The following GPC6 variants were observed in gnomAD, a reference collection of about 807,000 sequenced individuals.
GPC6 encodes glypican-6.
A neutral mutation model predicts 55.2 loss-of-function variants in GPC6; 14 were observed. That is an observed-to-expected ratio of 0.25 (90% CI 0.17 to 0.40). GPC6 has a LOEUF of 0.40. GPC6 is among the 10% of genes least tolerant of loss of function. The pLI, the probability that GPC6 is intolerant of heterozygous loss-of-function variation, is 1.00. For synonymous variants in GPC6, 278 were observed against 259.6 expected (o/e 1.07, Z -0.68); for missense variants, 641 against 708.5 (o/e 0.90, Z 1.08).
At chr13:93,497,977 T>C (rs1452370585) in intron 1 of GPC6, among the ~76,000 whole-genome samples, 1 of 152,228 alleles carries the variant, frequency 6.6e-6, no homozygotes, top group African/African-American at 2.4e-5. Context: ...GCTCAAATAT[T>C]TCTAACTTTG....
intron 7 of GPC6, among the ~76,000 whole-genome samples, chr13:94,389,940 T>C (rs1262790833): frequency 6.6e-6 from 1 of 152,194 alleles, no homozygotes; most frequent in Non-Finnish European, 1.5e-5. Flanking sequence ...ATCGGACCCG[T>C]TGGAAACATG....
At chr13:94,396,066 G>A (rs931653843) in intron 7 of GPC6, among the ~76,000 whole-genome samples, 3 of 152,220 alleles carry the variant, frequency 2.0e-5, no homozygotes, top group South Asian at 2.1e-4. Context: ...GTCTTTGGGT[G>A]CCTCTCTGTG....
chr13:93,780,209 C>T (rs1231546068), intron 2 of GPC6, among the ~76,000 whole-genome samples: 1 of 151,902 alleles, frequency 6.6e-6, no homozygotes, highest in African/African-American at 2.4e-5. Context: ...AGAAAACACA[C>T]CAGTCAACCT....
chr13:93,459,751 G>T (rs1481510636), intron 1 of GPC6, among the ~76,000 whole-genome samples: 1 of 152,010 alleles, frequency 6.6e-6, no homozygotes, highest in Non-Finnish European at 1.5e-5. Context: ...CTTGGCTATT[G>T]TCTTAAAATT....
intron 4 of GPC6, among the ~76,000 whole-genome samples, chr13:94,043,676 A>G (rs1457541745): frequency 6.6e-6 from 1 of 151,862 alleles, no homozygotes. Context: ...TCTTTCTCCA[A>G]CAATGAGAAA....
chr13:93,835,453 T>A (rs993202462), intron 3 of GPC6, among the ~76,000 whole-genome samples: 1 of 151,778 alleles, frequency 6.6e-6, no homozygotes, highest in African/African-American at 2.4e-5. Context: ...AGACCCTGTC[T>A]CAAAAAAACG....
intron 1 of GPC6, among the ~76,000 whole-genome samples, chr13:93,529,768 G>A (rs1261023800): frequency 6.6e-6 from 1 of 151,964 alleles, no homozygotes; most frequent in South Asian, 2.1e-4. Flanking sequence ...ACCCACCTCA[G>A]CCTCCCAAAG....
intron 2 of GPC6, among the ~76,000 whole-genome samples, chr13:93,588,892 T>C (rs1877333021): frequency 6.6e-6 from 1 of 152,154 alleles, no homozygotes; most frequent in African/African-American, 2.4e-5. Flanking sequence ...TTGCCTTTCA[T>C]TCTTATTTTG....
At chr13:93,597,589 T>A (rs1877817822) in intron 2 of GPC6, among the ~76,000 whole-genome samples, 1 of 152,172 alleles carries the variant, frequency 6.6e-6, no homozygotes, top group African/African-American at 2.4e-5. Context: ...CTCTGCCACC[T>A]GTAAGACCGC....
rs575836124 is a variant in GPC6, at chr13:93,725,363, A to G, written c.320-104791A>G. 1.4e-4 allele frequency among the ~76,000 whole-genome samples: 21 copies of G among 152,206 alleles called. No individual in the cohort carries two copies. In the South Asian group the frequency reaches 4.1e-3, roughly 30 times the overall value. On this transcript the variant is annotated intron_variant, in intron 2 of 8. Coordinates refer to ENST00000377047, the MANE Select transcript of GPC6 (RefSeq NM_005708.5). ...TGTAAGGCCTTAAAAAGATTTATCAAGAACCAACATAATAAGCCAGCCACT... is the reference window on the plus strand; with the variant it reads ...TGTAAGGCCTTAAAAAGATTTATCAGGAACCAACATAATAAGCCAGCCACT...
intron 3 of GPC6, among the ~76,000 whole-genome samples, chr13:93,936,185 T>G (rs908968706): frequency 2.0e-5 from 3 of 152,226 alleles, no homozygotes; most frequent in Non-Finnish European, 4.4e-5. Flanking sequence ...TACTTCCATA[T>G]TATGTCATAA....
At chr13:93,374,007 T>C (rs1196564474) in intron 1 of GPC6, among the ~76,000 whole-genome samples, 1 of 152,188 alleles carries the variant, frequency 6.6e-6, no homozygotes, top group Non-Finnish European at 1.5e-5. Context: ...CTTATGGGCT[T>C]TATAATCTAG....
chr13:94,372,508 G>C (rs1336071118), intron 6 of GPC6, among the ~76,000 whole-genome samples: 1 of 152,064 alleles, frequency 6.6e-6, no homozygotes, highest in Non-Finnish European at 1.5e-5. Flanking sequence ...TTTCCGACGG[G>C]CTTAAAAAAC....
At chr13:93,356,501 A>AT (rs1880853286) in intron 1 of GPC6, among the ~76,000 whole-genome samples, 1 of 152,198 alleles carries the variant, frequency 6.6e-6, no homozygotes, top group East Asian at 1.9e-4. Context: ...TTTGATTGCC[A>AT]ACCTCCCTAA....
At chr13:93,489,920 C>T (rs1190090548) in intron 1 of GPC6, among the ~76,000 whole-genome samples, 2 of 151,532 alleles carry the variant, frequency 1.3e-5, no homozygotes, top group Non-Finnish European at 2.9e-5. Context: ...CAAACAGGGA[C>T]AATTTGACTT....
intron 3 of GPC6, among the ~76,000 whole-genome samples, chr13:93,899,908 TG>T (rs1876252265): frequency 6.6e-6 from 1 of 152,188 alleles, no homozygotes; most frequent in African/African-American, 2.4e-5. Context: ...TCCGATTATA[TG>T]GAAGTTACAG....
rs555628823 is a variant in GPC6, at chr13:93,512,577, G to A, written c.161-32686G>A. 4.6e-5 allele frequency among the ~76,000 whole-genome samples: 7 copies of A among 152,016 alleles called. No homozygotes were observed. In the South Asian group the frequency reaches 1.5e-3, roughly 32 times the overall value. On this transcript the variant is annotated intron_variant, in intron 1 of 8. Transcript: ENST00000377047. ...ATTCAGTTTGCTTGTATTTTATGGA[G>A]GATTTTTACATCTATGTTCATTAGG...
intron 1 of GPC6, among the ~76,000 whole-genome samples, chr13:93,322,822 G>A (rs1422675050): frequency 6.6e-6 from 1 of 151,938 alleles, no homozygotes; most frequent in Non-Finnish European, 1.5e-5. Context: ...AAGTTCTGGG[G>A]TATATGTGCA....
chr13:93,995,827 G>C (rs1291229633), intron 3 of GPC6, among the ~76,000 whole-genome samples: 1 of 151,994 alleles, frequency 6.6e-6, no homozygotes, highest in African/African-American at 2.4e-5. Context: ...TGTTTTTCTT[G>C]GGATTCATAA....
Sources: allele counts gnomAD v4.1 joint callset (sites outside exome capture counted in the v4.1 genomes callset), GRCh38; gene constraint gnomAD v4.1.1; transcripts MANE v1.5; gene names NCBI Gene and HGNC (gene_info 2026-07-23, HGNC 2026-07-21).